Variants in PRR16 observed in about 807,000 individuals in gnomAD.
The protein encoded by PRR16 is proline rich 16, also known as protein Largen.
In PRR16, 6 loss-of-function variants were observed where a neutral mutation model predicts 18.2. The ratio of observed to expected loss-of-function variants is 0.33; its 90% CI spans 0.18 to 0.65. The LOEUF (loss-of-function observed/expected upper bound fraction) is 0.65. PRR16 is among the 30% of genes least tolerant of loss of function. The probability of loss-of-function intolerance (pLI) is 0.74; values close to 1 mark genes in which losing one functional copy is unlikely to be tolerated. For synonymous variants in PRR16, 151 were observed against 147.8 expected (o/e 1.02, Z -0.16); for missense variants, 412 against 376.6 (o/e 1.09, Z -0.78).
At chr5:120,499,976 C>G (rs1016025281) in intron 1 of PRR16, among the ~76,000 whole-genome samples, 1 of 152,122 alleles carries the variant, frequency 6.6e-6, no homozygotes, top group African/African-American at 2.4e-5. Context: ...AGGAGTGAAG[C>G]TACTTTTTAC....
intron 1 of PRR16, among the ~76,000 whole-genome samples, chr5:120,596,805 A>G (rs1405225915): frequency 6.6e-6 from 1 of 151,632 alleles, no homozygotes; most frequent in African/African-American, 2.4e-5. Flanking sequence ...ATAAGTCCAA[A>G]TAAAATATGC....
At chr5:120,526,621 G>A (rs1479896631) in intron 1 of PRR16, among the ~76,000 whole-genome samples, 1 of 152,168 alleles carries the variant, frequency 6.6e-6, no homozygotes, top group African/African-American at 2.4e-5. Context: ...CTCTCTACCA[G>A]AGATTGGAAA....
intron 1 of PRR16, among the ~76,000 whole-genome samples, chr5:120,520,713 T>G (rs1751145764): frequency 6.6e-6 from 1 of 152,194 alleles, no homozygotes; most frequent in Non-Finnish European, 1.5e-5. Context: ...GTCACATATG[T>G]GTTACATCTG....
the PRR16 span, among the ~76,000 whole-genome samples, chr5:120,745,154 C>T: frequency 6.6e-6 from 1 of 152,280 alleles, no homozygotes; most frequent in East Asian, 1.9e-4. Context: ...GGGCACTGTG[C>T]TGAGTCCAAA....
At chr5:120,738,553 A>T in the PRR16 span, among the ~76,000 whole-genome samples, 1 of 152,090 alleles carries the variant, frequency 6.6e-6, no homozygotes, top group African/African-American at 2.4e-5. Context: ...AAAGTGAGGG[A>T]ATGATTTTTG....
chr5:120,784,706 G>A, the PRR16 span, among the ~76,000 whole-genome samples: 64 of 152,280 alleles, frequency 4.2e-4, 2 homozygotes, highest in South Asian at 0.013. Flanking sequence ...ATCCATGAAA[G>A]CTCTTTGAAA....
chr5:120,594,755 C>T (rs192576344), intron 1 of PRR16, among the ~76,000 whole-genome samples: 7 of 152,102 alleles, frequency 4.6e-5, no homozygotes, highest in African/African-American at 1.4e-4. Context: ...TGTACAAACA[C>T]GGACAGGTAG....
chr5:120,686,311 T>C lies in PRR16; in HGVS notation c.517T>C (p.Cys173Arg), dbSNP rs140122947. ...PNKIPNGDIC[C>R]IPNSNLDKAP... The stretch of plus-strand genomic sequence containing the variant: ...CAAAATTCCAAATGGAGATATCTGC[T>C]GCATACCCAACAGTAACTTGGACAA... Residue 173 changes from cysteine to arginine, a missense_variant, in exon 2 of 2, where the codon TGC becomes CGC. Coordinates refer to ENST00000407149, the MANE Select transcript of PRR16 (RefSeq NM_001300783.2). 10,931 of 1,614,140 alleles carry C rather than the reference T, an allele frequency of 6.8e-3. 57 individuals are homozygous for C. The highest frequency in any genetic ancestry group is 0.012 in the South Asian group (1,102 of 91,086).
the PRR16 span, among the ~76,000 whole-genome samples, chr5:120,714,480 C>A: frequency 6.6e-6 from 1 of 152,032 alleles, no homozygotes; most frequent in East Asian, 1.9e-4. Context: ...ATTAAAAAGT[C>A]AAGAACAATA....
the PRR16 span, among the ~76,000 whole-genome samples, chr5:120,712,435 C>T: frequency 6.6e-6 from 1 of 152,050 alleles, no homozygotes; most frequent in Non-Finnish European, 1.5e-5. Context: ...TTTTTCTCTT[C>T]TTTCTTTCAT....
intron 1 of PRR16, among the ~76,000 whole-genome samples, chr5:120,567,724 T>C (rs1752781285): frequency 6.6e-6 from 1 of 152,194 alleles, no homozygotes; most frequent in Non-Finnish European, 1.5e-5. Context: ...CATGCGAAGA[T>C]GTGCTTGCTT....
intron 1 of PRR16, among the ~76,000 whole-genome samples, chr5:120,632,299 G>A (rs1242954044): frequency 1.3e-5 from 2 of 151,966 alleles, no homozygotes; most frequent in South Asian, 2.1e-4. Context: ...AATAATTCTG[G>A]TAATATGGCA....
chr5:120,710,243 T>C, the PRR16 span, among the ~76,000 whole-genome samples: 1 of 152,216 alleles, frequency 6.6e-6, no homozygotes, highest in African/African-American at 2.4e-5. Context: ...TGATTAGTGA[T>C]GTTTAGCATC....
At chr5:120,730,677 A>C in the PRR16 span, among the ~76,000 whole-genome samples, 1 of 152,144 alleles carries the variant, frequency 6.6e-6, no homozygotes, top group Non-Finnish European at 1.5e-5. Context: ...AACTAACTTA[A>C]GGTAATAGGA....
At chr5:120,487,450 T>C (rs897043239) in intron 1 of PRR16, among the ~76,000 whole-genome samples, 2 of 152,192 alleles carry the variant, frequency 1.3e-5, no homozygotes, top group Non-Finnish European at 2.9e-5. Flanking sequence ...TCTCTGTTTG[T>C]CTGTTATTGG....
intron 1 of PRR16, among the ~76,000 whole-genome samples, chr5:120,672,829 T>A (rs1756658041): frequency 6.6e-6 from 1 of 152,212 alleles, no homozygotes; most frequent in East Asian, 1.9e-4. Context: ...AAGTTTATAG[T>A]TCCATTATCT....
intron 1 of PRR16, among the ~76,000 whole-genome samples, chr5:120,531,260 T>A (rs1751541397): frequency 6.6e-6 from 1 of 152,154 alleles, no homozygotes; most frequent in African/African-American, 2.4e-5. Context: ...GTTGCCATAT[T>A]TTCCTTTTTA....
intron 1 of PRR16, among the ~76,000 whole-genome samples, chr5:120,571,297 A>T (rs566822497): frequency 9.9e-5 from 15 of 152,158 alleles, no homozygotes; most frequent in Non-Finnish European, 1.8e-4. Context: ...GGGTGATGAG[A>T]GGAAGTCTTC....
chr5:120,767,412 C>G, the PRR16 span, among the ~76,000 whole-genome samples: 68 of 151,830 alleles, frequency 4.5e-4, 1 homozygote, highest in Non-Finnish European at 1.5e-5. Context: ...TTTCACAATC[C>G]TTTCAAGCAT....
Sources: gnomAD v4.1 joint callset for allele counts (sites outside exome capture counted in the v4.1 genomes callset) on GRCh38, gnomAD v4.1.1 for gene constraint, MANE v1.5 for transcripts, NCBI Gene and HGNC (gene_info 2026-07-23, HGNC 2026-07-21) for gene names.